The following SBF2 variants were observed in gnomAD, a reference collection of about 807,000 sequenced individuals.
SBF2 encodes SET binding factor 2, also known as myotubularin-related protein 13.
In SBF2, 112 loss-of-function variants were observed where a neutral mutation model predicts 225.2. The observed-to-expected ratio is 0.50, with a 90% confidence interval of 0.43 to 0.58. SBF2 has a LOEUF of 0.58. Among genes scored for constraint, SBF2 ranks in the 20% least tolerant of loss-of-function variants. The pLI, the probability that SBF2 is intolerant of heterozygous loss-of-function variation, is 0.00. For missense variants in SBF2, 1,996 were observed against 2,206.2 expected (o/e 0.90, Z 1.91); for synonymous variants, 763 against 773.3 (o/e 0.99, Z 0.22).
intron 21 of SBF2, 64 bp from the exon 22 acceptor site, chr11:9,850,282 G>GCAAGACCCTGTC: frequency 6.8e-7 from 1 of 1,478,564 alleles, no homozygotes; most frequent in Non-Finnish European, 9.4e-7. Context: ...TGGAGACAGG[G>GCAAGACCCTGTC]TCTTGCTCTG....
intron 2 of SBF2, among the ~76,000 whole-genome samples, chr11:10,167,792 C>T (rs1444645979): frequency 5.3e-5 from 8 of 152,018 alleles, no homozygotes; most frequent in African/African-American, 7.3e-5. Flanking sequence ...CTGAGGAAGG[C>T]GGATCACCTG....
chr11:9,993,086 G>A lies in SBF2; in HGVS notation c.1071C>T (p.Ala357=), dbSNP rs775272908. The change falls in exon 11 of 40, where the codon GCC becomes GCT. Residue 357 remains alanine, a synonymous_variant. Coordinates refer to ENST00000256190, the MANE Select transcript of SBF2 (RefSeq NM_030962.4). ...GTTGTGCAAATAATCTAAGGAAAAC[G>A]GCTCGCACCTCTTTATCCTAAAAAT... The part of the protein sequence containing the change: ...HSKMLDKEVR[A]VFLRLFAQLF... 14 of 1,610,496 alleles carry A rather than the reference G, an allele frequency of 8.7e-6. No individual in the cohort carries two copies. Among genetic ancestry groups the A allele is most frequent in the East Asian group, 4.5e-5 (2 of 44,752 alleles).
intron 1 of SBF2, among the ~76,000 whole-genome samples, chr11:10,282,080 G>A (rs528930709): frequency 2.0e-5 from 3 of 152,238 alleles, no homozygotes; most frequent in Admixed American, 6.5e-5. Flanking sequence ...TATAATGTTC[G>A]AAAGTTATCC....
rs945798441 is a variant in SBF2, at chr11:10,029,640, T to C, written c.513+125A>G. On this transcript the variant is annotated intron_variant, in intron 5 of 39. Coordinates refer to ENST00000256190, the MANE Select transcript of SBF2 (RefSeq NM_030962.4). Reference sequence around the variant, plus strand: ...CCATGGGGACAATGCTTAACTAAAGTAGGATCTTCCTTAAAACAAAAATAT... The same window carrying C: ...CCATGGGGACAATGCTTAACTAAAGCAGGATCTTCCTTAAAACAAAAATAT... The C allele has an allele frequency of 3.9e-6, 3 of 769,384 alleles. No homozygotes were observed. The African/African-American group carries it at 5.2e-5, about 13-fold the overall frequency. The allele number at this position is 769,384 out of a possible 1,614,324, so 47.7% of individuals were successfully genotyped here. A position where few individuals can be genotyped will look rare whatever the true frequency, so the allele number is the denominator to read the frequency against.
chr11:10,181,105 A>C (rs1956718620), intron 2 of SBF2, among the ~76,000 whole-genome samples: 1 of 152,110 alleles, frequency 6.6e-6, no homozygotes, highest in Admixed American at 6.5e-5. Flanking sequence ...ACGCCACTTA[A>C]ACCATCCTAA....
At chr11:9,922,959 A>C (rs1052438939) in intron 16 of SBF2, among the ~76,000 whole-genome samples, 1 of 152,142 alleles carries the variant, frequency 6.6e-6, no homozygotes, top group Admixed American at 6.6e-5. Flanking sequence ...CCCACTAGGA[A>C]ACTTTCTCCT....
intron 2 of SBF2, among the ~76,000 whole-genome samples, chr11:10,109,670 A>G (rs1304649820): frequency 6.6e-6 from 1 of 152,218 alleles, no homozygotes; most frequent in Non-Finnish European, 1.5e-5. Flanking sequence ...GACTCAACGA[A>G]GTAAGATGGT....
At chr11:9,972,637 C>T (rs548526088) in intron 13 of SBF2, among the ~76,000 whole-genome samples, 5 of 152,226 alleles carry the variant, frequency 3.3e-5, no homozygotes, top group South Asian at 2.1e-4. Flanking sequence ...TGCACCACCA[C>T]GCCTGGCTAA....
At chr11:10,242,343 T>C (rs1959298807) in intron 1 of SBF2, among the ~76,000 whole-genome samples, 1 of 150,672 alleles carries the variant, frequency 6.6e-6, no homozygotes, top group Non-Finnish European at 1.5e-5. Context: ...AGGATAACCA[T>C]GAGGAAAACA....
chr11:9,922,162 G>C (rs1004193085), intron 16 of SBF2, among the ~76,000 whole-genome samples: 3 of 152,122 alleles, frequency 2.0e-5, no homozygotes, highest in East Asian at 1.9e-4. Flanking sequence ...GGGAGGACTG[G>C]TTGAGCCCAG....
chr11:10,156,292 C>A (rs1955473230), intron 2 of SBF2, among the ~76,000 whole-genome samples: 1 of 152,338 alleles, frequency 6.6e-6, no homozygotes, highest in South Asian at 2.1e-4. Context: ...ACCATGGTAA[C>A]CAGCGAGCAT....
chr11:9,927,114 T>C (rs754866846), intron 16 of SBF2, among the ~76,000 whole-genome samples: 32 of 152,350 alleles, frequency 2.1e-4, no homozygotes, highest in Non-Finnish European at 2.6e-4. Context: ...AGGATTAACA[T>C]GTTATATCTA....
intron 17 of SBF2, among the ~76,000 whole-genome samples, chr11:9,894,063 T>C (rs1470771816): frequency 2.0e-5 from 3 of 151,756 alleles, no homozygotes; most frequent in Non-Finnish European, 2.9e-5. Flanking sequence ...CTGGGCAACA[T>C]GATGAAACTC....
rs1458888975 is a variant in SBF2, at chr11:9,949,438, G to A, written c.1860+12519C>T. On this transcript the variant is annotated intron_variant, in intron 16 of 39. Transcript: ENST00000256190. ...TTCTTCATTAACTACAAGGGTTGCTGTAGGTTTTACCAAACATGGAAGCTC... is the reference window on the plus strand; with the variant it reads ...TTCTTCATTAACTACAAGGGTTGCTATAGGTTTTACCAAACATGGAAGCTC... Among the ~76,000 whole-genome samples, 4 of 152,228 alleles carry A rather than the reference G, an allele frequency of 2.6e-5. No homozygotes were observed. In the East Asian group the frequency reaches 5.8e-4, roughly 22 times the overall value.
intron 8 of SBF2, 87 bp from the exon 9 acceptor site, chr11:9,998,466 A>G (rs1947806568): frequency 1.1e-5 from 8 of 748,094 alleles, no homozygotes; most frequent in South Asian, 9.6e-5. Flanking sequence ...ATTCAAAACG[A>G]GAAGAATCAG....
rs1022853993 is a variant in SBF2, at chr11:10,178,842, G to A, written c.141+15060C>T. ...CATTTGACTCAGCCATCCCATTACT[G>A]GGTATATACCCAAAGGACTATAAAT... On this transcript the variant is annotated intron_variant, in intron 2 of 39. Coordinates refer to ENST00000256190, the MANE Select transcript of SBF2 (RefSeq NM_030962.4). Among the ~76,000 whole-genome samples, 7 of 149,390 alleles carry A rather than the reference G, an allele frequency of 4.7e-5. No homozygotes were observed. The Admixed American group carries it at 4.7e-4, about 10-fold the overall frequency.
chr11:10,179,209 C>T (rs1286815582), intron 2 of SBF2, among the ~76,000 whole-genome samples: 6 of 126,104 alleles, frequency 4.8e-5, no homozygotes, highest in South Asian at 2.6e-4. Flanking sequence ...TGGGGGGAGG[C>T]GGGAGGGATA....
chr11:10,204,740 C>A (rs1249350309), intron 1 of SBF2, among the ~76,000 whole-genome samples: 1 of 151,292 alleles, frequency 6.6e-6, no homozygotes, highest in East Asian at 1.9e-4. Context: ...TTGAAAGAAA[C>A]CAAACGCAAA....
intron 1 of SBF2, among the ~76,000 whole-genome samples, chr11:10,284,642 G>A (rs989207758): frequency 1.5e-4 from 23 of 151,496 alleles, no homozygotes; most frequent in African/African-American, 4.2e-4. Context: ...GCTGGAGTTT[G>A]TTCCGTTACC....
Sources: gnomAD v4.1 joint callset for allele counts (sites outside exome capture counted in the v4.1 genomes callset) on GRCh38, gnomAD v4.1.1 for gene constraint, MANE v1.5 for transcripts, NCBI Gene and HGNC (gene_info 2026-07-23, HGNC 2026-07-21) for gene names.